Variants in TAF9B observed in about 807,000 individuals in gnomAD.
TAF9B encodes the protein TATA-box binding protein associated factor 9b, also known as transcription initiation factor TFIID subunit 9B.
TAF9B carries 47 observed loss-of-function variants against 17.6 expected under a neutral mutation model. That is an observed-to-expected ratio of 2.68 (90% CI 2.12 to 3.41). The LOEUF (loss-of-function observed/expected upper bound fraction) is 3.41, where lower values mean the gene tolerates loss of function less well. Ranked by LOEUF, TAF9B falls within the 30% of genes most tolerant of loss-of-function variation. The pLI, the probability that TAF9B is intolerant of heterozygous loss-of-function variation, is 0.00. For missense variants in TAF9B, 218 were observed against 189.3 expected, an observed-to-expected ratio of 1.15 and a Z score of -0.89; for synonymous variants, 84 against 68.7, an observed-to-expected ratio of 1.22 and a Z score of -1.10.
At chrX:78,133,935 T>C (rs1557249795) in intron 5 of TAF9B, among the ~76,000 whole-genome samples, 1 of 111,625 alleles carries the variant, frequency 9.0e-6, no homozygotes, top group East Asian at 2.8e-4. Context: ...CCAGGTTTTC[T>C]ATTTATTACC....
chrX:78,131,590 TCTAGA>T lies in TAF9B; in HGVS notation c.*15_*19del, dbSNP rs1360908270. The T allele has an allele frequency of 6.6e-5, 79 of 1,195,909 alleles. No homozygotes were observed. Among genetic ancestry groups the T allele is most frequent in the Non-Finnish European group, 8.2e-5 (73 of 884,852 alleles). On this transcript the variant is annotated 3_prime_UTR_variant, in exon 7 of 7. Coordinates refer to ENST00000341864, the MANE Select transcript of TAF9B (RefSeq NM_015975.5). Reference sequence around the variant, plus strand: ...AAACCAACTTTCCTTTTGAAATGCATCTAGACTAGACTATATTCCTTACATAATAT... The same window carrying T: ...AAACCAACTTTCCTTTTGAAATGCATCTAGACTATATTCCTTACATAATAT...
At chrX:78,138,239 T>C (rs2078442283) in intron 2 of TAF9B, 141 bp from the exon 3 acceptor site, 1 of 679,152 alleles carries the variant, frequency 1.5e-6, no homozygotes, top group Non-Finnish European at 2.2e-6. Context: ...TCTCGCTATG[T>C]TGCCCAGGAA....
rs1303819779 is a variant in TAF9B at position 78,135,306 on chromosome X, G to T, written c.481+1609C>A. On this transcript the variant is annotated intron_variant, in intron 5 of 6. Coordinates refer to ENST00000341864, the MANE Select transcript of TAF9B (RefSeq NM_015975.5). ...AACTTGCATCTTTATGCCTGGCGTGGTGGCTCACACCTGTAATCCTAGCAC... is the reference window on the plus strand; with the variant it reads ...AACTTGCATCTTTATGCCTGGCGTGTTGGCTCACACCTGTAATCCTAGCAC... 2.9e-5 allele frequency among the ~76,000 whole-genome samples: 3 copies of T among 102,049 alleles called. No homozygotes were observed. The East Asian group carries it at 9.4e-4, about 32-fold the overall frequency. The allele number at this position is 102,049 out of a possible 115,157, so 88.6% of individuals were successfully genotyped here.
intron 5 of TAF9B, among the ~76,000 whole-genome samples, chrX:78,134,597 A>G (rs1181699865): frequency 4.5e-5 from 5 of 111,271 alleles, no homozygotes; most frequent in Non-Finnish European, 9.4e-5. Context: ...AGGTGAAGAA[A>G]GTCTAAGGGA....
intron 5 of TAF9B, among the ~76,000 whole-genome samples, chrX:78,135,668 C>G (rs1425205649): frequency 9.0e-6 from 1 of 111,269 alleles, no homozygotes; most frequent in Non-Finnish European, 1.9e-5. Context: ...TTGGTAGTGC[C>G]CTGACTCTAG....
intron 2 of TAF9B, among the ~76,000 whole-genome samples, 167 bp from the exon 3 acceptor site, chrX:78,138,265 G>A (rs1196757800): frequency 1.8e-5 from 2 of 112,039 alleles, no homozygotes; most frequent in African/African-American, 6.5e-5. Context: ...TGGCCTCCCC[G>A]CGACAGCCTC....
rs1340151369 is a variant in TAF9B, at chrX:78,137,900, T to G, written c.271-17A>C. 1 of 1,194,358 alleles carries G rather than the reference T, an allele frequency of 8.4e-7. No homozygotes were observed. The highest frequency in any genetic ancestry group is 1.8e-5 in the African/African-American group (1 of 55,884). On this transcript the variant is annotated splice_polypyrimidine_tract_variant and intron_variant, in intron 3 of 6. Coordinates refer to ENST00000341864, the MANE Select transcript of TAF9B (RefSeq NM_015975.5). ...CAGTAAAAACTTAAAAAAAAAATCCTTATTAGAACTACAGTTTTAAAAATT... is the reference window on the plus strand; with the variant it reads ...CAGTAAAAACTTAAAAAAAAAATCCGTATTAGAACTACAGTTTTAAAAATT...
Position 78,130,070 on chromosome X carries a change from T to G in TAF9B, c.*1540A>C, listed in dbSNP as rs1458039008. 1 of 112,343 alleles carries G rather than the reference T, an allele frequency of 8.9e-6. No individual in the cohort carries two copies. The highest frequency in any genetic ancestry group is 1.9e-5 in the Non-Finnish European group (1 of 53,223). 9.3% of individuals were successfully genotyped at this position (112,343 alleles called of 1,213,427 possible). A position where few individuals can be genotyped will look rare whatever the true frequency, so the allele number is the denominator to read the frequency against. ...TCTCCTATGATGTTGATCAGGTCTATTTTTATACATTTTACCTGTTTTTAT... is the reference window on the plus strand; with the variant it reads ...TCTCCTATGATGTTGATCAGGTCTAGTTTTATACATTTTACCTGTTTTTAT... On this transcript the variant is annotated 3_prime_UTR_variant, in exon 7 of 7. Coordinates refer to ENST00000341864, the MANE Select transcript of TAF9B (RefSeq NM_015975.5).
chrX:78,132,609 TCTGTG>T (rs2078418149), intron 6 of TAF9B, among the ~76,000 whole-genome samples: 1 of 86,200 alleles, frequency 1.2e-5, no homozygotes, highest in African/African-American at 5.5e-5. Flanking sequence ...CTTATTCCAA[TCTGTG>T]TGTGTGTGTG....
At chrX:78,133,873 T>A (rs2078424219) in intron 5 of TAF9B, among the ~76,000 whole-genome samples, 1 of 111,526 alleles carries the variant, frequency 9.0e-6, no homozygotes, top group Admixed American at 9.5e-5. Flanking sequence ...AGCACTGAGG[T>A]ATAGCTGGAT....
chrX:78,131,848 A>G, intron 6 of TAF9B, 75 bp from the exon 7 acceptor site: 1 of 984,545 alleles, frequency 1.0e-6, no homozygotes, highest in Non-Finnish European at 1.4e-6. Flanking sequence ...GATAAAAAGT[A>G]TACAACAAAG....
intron 5 of TAF9B, among the ~76,000 whole-genome samples, chrX:78,134,907 A>G (rs1195746852): frequency 1.8e-5 from 2 of 110,483 alleles, no homozygotes; most frequent in East Asian, 2.9e-4. Flanking sequence ...GCTTCCCCCA[A>G]TTGAACAGAG....
At position 78,130,069 on chromosome X, in the gene TAF9B, A is replaced by G. The variant is rs782171740; in HGVS notation, c.*1541T>C. On this transcript the variant is annotated 3_prime_UTR_variant, in exon 7 of 7. Coordinates refer to ENST00000341864, the MANE Select transcript of TAF9B (RefSeq NM_015975.5). ...ATCTCCTATGATGTTGATCAGGTCT[A>G]TTTTTATACATTTTACCTGTTTTTA... The G allele has an allele frequency of 8.9e-6, 1 of 112,197 alleles. No homozygotes were observed. Among genetic ancestry groups the G allele is most frequent in the African/African-American group, 3.2e-5 (1 of 30,820 alleles). The allele number at this position is 112,197 out of a possible 1,213,427, so 9.2% of individuals were successfully genotyped here. A position where few individuals can be genotyped will look rare whatever the true frequency, so the allele number is the denominator to read the frequency against.
rs782410167 is a variant in TAF9B, at chrX:78,138,073, A to C, written c.159T>G (p.Asp53Glu). The change falls in exon 3 of 7, where the codon GAT (aspartate) becomes GAG (glutamate). Residue 53 changes from aspartate (D) to glutamate (E), a missense_variant. By Grantham distance (45) the Asp-to-Glu change is conservative. Transcript: ENST00000341864. ...AFRYVTTILDDAKIYSSHAKK... is the reference protein window; with the variant it reads ...AFRYVTTILDEAKIYSSHAKK... ...TAGCATGGCTCGAATAAATTTTTGC[A>C]TCATCCAGAATTGTAGTCACATAAC... The C allele has an allele frequency of 8.3e-7, 1 of 1,203,096 alleles. No individual in the cohort carries two copies. The highest frequency in any genetic ancestry group is 1.8e-5 in the African/African-American group (1 of 56,997).
At position 78,139,494 on chromosome X, in the gene TAF9B, TGGCCCC is replaced by T. The variant is rs2078447547; in HGVS notation, c.51+61_51+66del. The T allele has an allele frequency of 6.7e-6, 8 of 1,198,204 alleles. No individual in the cohort carries two copies. The Admixed American group carries it at 1.8e-4, about 26-fold the overall frequency. On this transcript the variant is annotated intron_variant, in intron 1 of 6. Transcript: ENST00000341864. ...CGAGCCGACCCTCAGGCCCTCAGCGTGGCCCCGCCTCGCAGGTCCCTGGCTGCACCT... is the reference window on the plus strand; with the variant it reads ...CGAGCCGACCCTCAGGCCCTCAGCGTGCCTCGCAGGTCCCTGGCTGCACCT...
rs201588082 is a variant in TAF9B, at chrX:78,139,630, A to T, written c.-19T>A. 3.8e-3 allele frequency: 4,543 copies of T among 1,209,664 alleles called. 6 individuals are homozygous for T. Among genetic ancestry groups the T allele is most frequent in the Non-Finnish European group, 4.1e-3 (3,662 of 894,636 alleles). On this transcript the variant is annotated 5_prime_UTR_variant, in exon 1 of 7. It removes an upstream start codon present in the reference 5' UTR. Coordinates refer to ENST00000341864, the MANE Select transcript of TAF9B (RefSeq NM_015975.5). ...ACTCCATGTTATCCAGCCACTCGTCATCCGCGGAGACAGAGGAGAGAGGAG... is the reference window on the plus strand; with the variant it reads ...ACTCCATGTTATCCAGCCACTCGTCTTCCGCGGAGACAGAGGAGAGAGGAG...
In TAF9B at chrX:78,130,675, A is replaced by G. The variant is rs1173029407; in HGVS notation, c.*935T>C. ...CCTAGGTCCAGTGTAATTACTTATCAAAACATGTTTTAAGCTACAGCATCT... is the reference window on the plus strand; with the variant it reads ...CCTAGGTCCAGTGTAATTACTTATCGAAACATGTTTTAAGCTACAGCATCT... On this transcript the variant is annotated 3_prime_UTR_variant, in exon 7 of 7. Transcript: ENST00000341864. 2 of 112,804 alleles carry G rather than the reference A, an allele frequency of 1.8e-5. No individual in the cohort carries two copies. The highest frequency in any genetic ancestry group is 9.5e-5 in the Admixed American group (1 of 10,580). The allele number at this position is 112,804 out of a possible 1,213,427, so 9.3% of individuals were successfully genotyped here. A position where few individuals can be genotyped will look rare whatever the true frequency, so the allele number is the denominator to read the frequency against.
rs781902350 is a variant in TAF9B at position 78,133,377 on chromosome X, C to T, written c.553G>A (p.Val185Met). The T allele has an allele frequency of 1.2e-4, 148 of 1,210,020 alleles. 1 individual carries two copies. In the Middle Eastern group the frequency reaches 1.8e-3, roughly 15 times the overall value. Residue 185 changes from valine to methionine, a missense_variant, in exon 6 of 7, where the codon GTG becomes ATG. Physicochemically the swap from Val to Met is conservative, Grantham distance 21. Transcript: ENST00000341864. Reference sequence around the variant, plus strand: ...GTGGACTGAGAAGGTGGAATCTGCACCGTAAATCTTTGGCTTGTCACTGAC... The same window carrying T: ...GTGGACTGAGAAGGTGGAATCTGCATCGTAAATCTTTGGCTTGTCACTGAC... ...PMSVTSQRFTVQIPPSQSTPV... is the reference protein window; with the variant it reads ...PMSVTSQRFTMQIPPSQSTPV...
intron 1 of TAF9B, 65 bp from the exon 2 acceptor site, chrX:78,138,989 GGTA>G (rs2078445595): frequency 3.5e-6 from 3 of 864,184 alleles, no homozygotes; most frequent in Non-Finnish European, 3.3e-6. Flanking sequence ...TGCACTGAAG[GGTA>G]GTATTTATAT....
Sources: allele counts gnomAD v4.1 joint callset (sites outside exome capture counted in the v4.1 genomes callset), GRCh38; gene constraint gnomAD v4.1.1; transcripts MANE v1.5; gene names NCBI Gene and HGNC (gene_info 2026-07-23, HGNC 2026-07-21).